Variants in ZNF510 observed in about 807,000 individuals in gnomAD.
ZNF510 encodes the protein zinc finger protein 510.
ZNF510 carries 15 observed loss-of-function variants against 18.1 expected under a neutral mutation model. The observed-to-expected ratio is 0.83, with a 90% CI of 0.55 to 1.28. ZNF510 has a LOEUF of 1.28. Among genes scored for constraint, ZNF510 ranks in the 50% most tolerant of loss-of-function variants. The pLI, the probability that ZNF510 is intolerant of heterozygous loss-of-function variation, is 0.00. For synonymous variants in ZNF510, 261 were observed against 266.4 expected, an observed-to-expected ratio of 0.98 and a Z score of 0.20; for missense variants, 724 against 791.8, an observed-to-expected ratio of 0.91 and a Z score of 1.03.
At chr9:96,768,317 G>A (rs1849518284) in intron 3 of ZNF510, among the ~76,000 whole-genome samples, 1 of 152,160 alleles carries the variant, frequency 6.6e-6, no homozygotes, top group Admixed American at 6.5e-5. Context: ...AGACAGGGAT[G>A]CCTGCTTTCA....
At chr9:96,776,512 C>T (rs527507015) in intron 1 of ZNF510, among the ~76,000 whole-genome samples, 22 of 152,290 alleles carry the variant, frequency 1.4e-4, no homozygotes, top group African/African-American at 5.1e-4. Context: ...TGGTGGCTCA[C>T]GCCTGTAATC....
At chr9:96,761,157 T>A (rs1849338609) in intron 5 of ZNF510, among the ~76,000 whole-genome samples, 2 of 152,190 alleles carry the variant, frequency 1.3e-5, no homozygotes, top group Non-Finnish European at 2.9e-5. Context: ...TGCAACTAAC[T>A]TAGATGCACT....
intron 3 of ZNF510, among the ~76,000 whole-genome samples, chr9:96,767,633 G>A (rs764483022): frequency 4.0e-5 from 6 of 151,846 alleles, no homozygotes; most frequent in Admixed American, 1.3e-4. Flanking sequence ...AAGATGAAGT[G>A]GACAAATTCC....
intron 3 of ZNF510, among the ~76,000 whole-genome samples, chr9:96,766,739 A>G (rs1849481020): frequency 6.6e-6 from 1 of 152,196 alleles, no homozygotes; most frequent in African/African-American, 2.4e-5. Flanking sequence ...GAGCTGATAA[A>G]AGCAACGCTA....
chr9:96,767,508 C>CTAAT (rs1338919125), intron 3 of ZNF510, among the ~76,000 whole-genome samples: 2 of 151,836 alleles, frequency 1.3e-5, no homozygotes, highest in African/African-American at 2.4e-5. Context: ...AATCAGTATC[C>CTAAT]TAATTGTATA....
Position 96,760,037 on chromosome 9 carries a change from C to A in ZNF510, c.793G>T (p.Asp265Tyr). Residue 265 changes from aspartate to tyrosine, a missense_variant, in exon 6 of 6, where the codon GAT becomes TAT. Physicochemically the swap from Asp to Tyr is radical, Grantham distance 160 (BLOSUM62 -3). Transcript: ENST00000223428. ...TTATGTTTAACACAGTTAGCCTTAT[C>A]ATTAAAGGCTTTTCCAATTTTATTA... is the stretch of plus-strand genomic sequence containing the variant. ...ECNKIGKAFN[D>Y]KANCVKHNSS... 1.2e-6 allele frequency: 2 copies of A among 1,611,726 alleles called. No individual in the cohort carries two copies. The highest frequency in any genetic ancestry group is 1.1e-5 in the South Asian group (1 of 90,866).
chr9:96,771,431 T>TAA (rs1564441028), intron 3 of ZNF510, among the ~76,000 whole-genome samples: 5,382 of 146,918 alleles, frequency 0.037, 339 homozygotes, highest in African/African-American at 0.13. Context: ...TCATGCATGA[T>TAA]TAAAAAAAAA....
chr9:96,768,256 A>T (rs7032017), intron 3 of ZNF510, among the ~76,000 whole-genome samples: 7,446 of 151,822 alleles, frequency 0.049, 581 homozygotes, highest in African/African-American at 0.17. Flanking sequence ...CACAGCTAAC[A>T]GAATACGCTA....
Position 96,776,166 on chromosome 9 carries a change from G to C in ZNF510, c.-97C>G. On this transcript the variant is annotated 5_prime_UTR_variant, in exon 2 of 6. Coordinates refer to ENST00000223428, the MANE Select transcript of ZNF510 (RefSeq NM_014930.3). ...TTTCTGGGTTCTTCTGCATCTGTTTGGAAGCCCTGGTGAGGAGGTCTCTGT... is the reference window on the plus strand; with the variant it reads ...TTTCTGGGTTCTTCTGCATCTGTTTCGAAGCCCTGGTGAGGAGGTCTCTGT... The C allele has an allele frequency of 6.6e-7, 1 of 1,512,716 alleles. No individual in the cohort carries two copies. The highest frequency in any genetic ancestry group is 2.5e-5 in the East Asian group (1 of 39,672). 93.7% of individuals were successfully genotyped at this position (1,512,716 alleles called of 1,614,324 possible). A position where few individuals can be genotyped will look rare whatever the true frequency, so the allele number is the denominator to read the frequency against.
At chr9:96,762,630 C>T (rs1284236398) in intron 5 of ZNF510, among the ~76,000 whole-genome samples, 1 of 152,180 alleles carries the variant, frequency 6.6e-6, no homozygotes, top group East Asian at 1.9e-4. Context: ...CTCACCAAGA[C>T]TTGGCATTGC....
intron 3 of ZNF510, among the ~76,000 whole-genome samples, chr9:96,767,103 G>C (rs987103463): frequency 2.0e-5 from 3 of 152,100 alleles, no homozygotes; most frequent in Admixed American, 6.5e-5. Flanking sequence ...TGAGGCAGGC[G>C]AATCACTTGA....
chr9:96,769,597 CAATT>C (rs916215009), intron 3 of ZNF510, among the ~76,000 whole-genome samples: 1 of 151,978 alleles, frequency 6.6e-6, no homozygotes, highest in African/African-American at 2.4e-5. Flanking sequence ...GACTTCATCA[CAATT>C]AAACTTTTGT....
chr9:96,765,565 T>C (rs9299137), intron 3 of ZNF510, among the ~76,000 whole-genome samples: 5,656 of 151,634 alleles, frequency 0.037, 350 homozygotes, highest in African/African-American at 0.13. Context: ...CAGGCTGGAG[T>C]GCAGTGATGT....
At chr9:96,766,934 C>G (rs1849486369) in intron 3 of ZNF510, among the ~76,000 whole-genome samples, 1 of 152,154 alleles carries the variant, frequency 6.6e-6, no homozygotes, top group Non-Finnish European at 1.5e-5. Context: ...AAAATTTAAC[C>G]TGCTAAAGGC....
At chr9:96,774,961 C>T (rs1849659682) in intron 2 of ZNF510, 115 bp from the exon 3 acceptor site, 1 of 781,134 alleles carries the variant, frequency 1.3e-6, no homozygotes, top group Non-Finnish European at 2.1e-6. Flanking sequence ...TTCCTTTGAC[C>T]TTTGAGAAGG....
chr9:96,767,188 T>TGTG lies in ZNF510; in HGVS notation c.130-3559_130-3557dup, dbSNP rs1001349306. 5.1e-4 allele frequency among the ~76,000 whole-genome samples: 77 copies of TGTG among 151,856 alleles called. 1 individual carries two copies. Among genetic ancestry groups the TGTG allele is most frequent in the African/African-American group, 1.8e-3 (75 of 41,420 alleles). The stretch of plus-strand genomic sequence containing the variant: ...ACTAAAAATAGAAAAATTAGCCAGG[T>TGTG]GTGGTGGTGCGTGCCCATAATCCCA... On this transcript the variant is annotated intron_variant, in intron 3 of 5. Coordinates refer to ENST00000223428, the MANE Select transcript of ZNF510 (RefSeq NM_014930.3).
At chr9:96,762,204 T>TAAA (rs551652153) in intron 5 of ZNF510, among the ~76,000 whole-genome samples, 25 of 99,444 alleles carry the variant, frequency 2.5e-4, no homozygotes, top group East Asian at 7.7e-4. Context: ...CTGTGGAAAT[T>TAAA]AAAAAAAAAA....
Position 96,759,965 on chromosome 9 carries a change from T to C in ZNF510, c.865A>G (p.Lys289Glu), listed in dbSNP as rs1162455763. ...AAGAGAGTTTTCTTATCACAATTTTTCCTAAATTCATCATCTTTAGAGGAT... is the reference window on the plus strand; with the variant it reads ...AAGAGAGTTTTCTTATCACAATTTTCCCTAAATTCATCATCTTTAGAGGAT... ...ETSSKDDEFR[K>E]NCDKKTLFDH... Residue 289 changes from lysine (K) to glutamate (E), a missense_variant, in exon 6 of 6, where the codon AAA becomes GAA. Transcript: ENST00000223428. The C allele has an allele frequency of 6.2e-7, 1 of 1,613,378 alleles. No homozygotes were observed. Among genetic ancestry groups the C allele is most frequent in the South Asian group, 1.1e-5 (1 of 91,078 alleles).
intron 5 of ZNF510, among the ~76,000 whole-genome samples, chr9:96,761,373 G>T (rs534620926): frequency 6.6e-6 from 1 of 152,100 alleles, no homozygotes; most frequent in African/African-American, 2.4e-5. Flanking sequence ...TCCTTGACAG[G>T]TCATATTGCA....
Sources: gnomAD v4.1 joint callset for allele counts (sites outside exome capture counted in the v4.1 genomes callset) on GRCh38, gnomAD v4.1.1 for gene constraint, MANE v1.5 for transcripts, NCBI Gene and HGNC (gene_info 2026-07-23, HGNC 2026-07-21) for gene names.